Variants in VAC14 observed in about 807,000 individuals in gnomAD.
VAC14 encodes protein VAC14 homolog.
VAC14 carries 47 observed loss-of-function variants against 85.3 expected under a neutral mutation model. The observed-to-expected ratio is 0.55, with a 90% confidence interval of 0.44 to 0.70. VAC14 has a LOEUF of 0.70. Ranked by LOEUF, VAC14 falls within the 30% of genes least tolerant of loss-of-function variation. The pLI, the probability that VAC14 is intolerant of heterozygous loss-of-function variation, is 0.00. For synonymous variants in VAC14, 447 were observed against 430.5 expected, an observed-to-expected ratio of 1.04 and a Z score of -0.47; for missense variants, 861 against 1,004.3, an observed-to-expected ratio of 0.86 and a Z score of 1.93.
intron 1 of VAC14, among the ~76,000 whole-genome samples, chr16:70,798,626 G>T (rs1204500312): frequency 6.6e-6 from 1 of 152,190 alleles, no homozygotes; most frequent in Non-Finnish European, 1.5e-5. Flanking sequence ...GGAAACAGAT[G>T]AGAGGGTCTT....
intron 12 of VAC14, among the ~76,000 whole-genome samples, chr16:70,753,102 C>T (rs190887926): frequency 2.8e-4 from 42 of 151,698 alleles, no homozygotes; most frequent in African/African-American, 7.5e-4. Context: ...GAGATCTGGC[C>T]CAAGTTACTT....
At chr16:70,798,140 T>G (rs2143366478) in intron 1 of VAC14, among the ~76,000 whole-genome samples, 1 of 152,272 alleles carries the variant, frequency 6.6e-6, no homozygotes. Context: ...TTGCTCAGGG[T>G]CACCTAGCCA....
intron 1 of VAC14, among the ~76,000 whole-genome samples, chr16:70,787,619 C>T (rs1184304951): frequency 1.3e-5 from 2 of 152,196 alleles, no homozygotes; most frequent in Non-Finnish European, 2.9e-5. Flanking sequence ...GGCAGGAGTG[C>T]CCCAGATCAC....
intron 14 of VAC14, among the ~76,000 whole-genome samples, chr16:70,707,322 A>G (rs1229544227): frequency 6.6e-6 from 1 of 152,230 alleles, no homozygotes; most frequent in South Asian, 2.1e-4. Flanking sequence ...TGTCTGGTAC[A>G]CTTAAAAGTT....
chr16:70,720,395 C>A (rs78713158), intron 14 of VAC14, among the ~76,000 whole-genome samples: 7 of 152,162 alleles, frequency 4.6e-5, no homozygotes, highest in Non-Finnish European at 7.4e-5. Context: ...GCTGCCACAC[C>A]GCTTTGATCA....
intron 8 of VAC14, 95 bp from the exon 9 acceptor site, chr16:70,781,034 C>A (rs1441830262): frequency 2.7e-5 from 42 of 1,548,192 alleles, no homozygotes; most frequent in Non-Finnish European, 3.7e-5. Context: ...GAGGTGGGGC[C>A]TGGTGGGAGG....
At chr16:70,793,863 C>T (rs76014819) in intron 1 of VAC14, among the ~76,000 whole-genome samples, 2,844 of 152,300 alleles carry the variant, frequency 0.019, 80 homozygotes, top group African/African-American at 0.065. Flanking sequence ...ACATAGCACA[C>T]GAGGTTGTGC....
At position 70,744,541 on chromosome 16, in the gene VAC14, A is replaced by G; in HGVS notation, c.1410T>C (p.Ala470=). ...CATCCGTCTGGCCTGCGGGGGAGGA[A>G]GCGATTTCTGCCAGCACCTCCAGGT... The part of the protein sequence containing the change: ...LKDLEVLAEI[A]SSPAGQTDDP... Residue 470 remains alanine, a synonymous_variant, in exon 13 of 19, where the codon GCT becomes GCC. Coordinates refer to ENST00000261776, the MANE Select transcript of VAC14 (RefSeq NM_018052.5). The G allele has an allele frequency of 6.2e-7, 1 of 1,610,176 alleles. No individual in the cohort carries two copies. The highest frequency in any genetic ancestry group is 1.1e-5 in the South Asian group (1 of 90,564).
chr16:70,742,597 C>T (rs1416355810), intron 13 of VAC14, among the ~76,000 whole-genome samples: 4 of 152,260 alleles, frequency 2.6e-5, no homozygotes, highest in African/African-American at 9.6e-5. Context: ...TAGAACTGGG[C>T]TCCTGGGCAA....
chr16:70,724,328 C>G (rs554590574), intron 14 of VAC14, among the ~76,000 whole-genome samples: 2 of 152,338 alleles, frequency 1.3e-5, no homozygotes, highest in South Asian at 4.1e-4. Context: ...CCACCCCCCA[C>G]TCCATCTCCA....
intron 12 of VAC14, among the ~76,000 whole-genome samples, chr16:70,759,723 C>T (rs1294017865): frequency 6.6e-6 from 1 of 152,148 alleles, no homozygotes. Flanking sequence ...TGGAACAAGA[C>T]CACAAAACCT....
At chr16:70,744,129 C>A (rs759016626) in intron 13 of VAC14, among the ~76,000 whole-genome samples, 4 of 152,304 alleles carry the variant, frequency 2.6e-5, no homozygotes, top group Admixed American at 6.5e-5. Flanking sequence ...GGCAGAGAGA[C>A]CAGCAGCCGA....
chr16:70,720,977 A>G (rs1013870893), intron 14 of VAC14, among the ~76,000 whole-genome samples: 7 of 152,262 alleles, frequency 4.6e-5, no homozygotes, highest in African/African-American at 1.4e-4. Flanking sequence ...CACTTGAATC[A>G]TCTCAGCTTG....
chr16:70,737,225 C>G (rs1274088087), intron 13 of VAC14, among the ~76,000 whole-genome samples: 1 of 152,338 alleles, frequency 6.6e-6, no homozygotes, highest in South Asian at 2.1e-4. Flanking sequence ...GGGTCCTGGG[C>G]TGGGTGCTGC....
chr16:70,761,297 C>T (rs1318072569), intron 12 of VAC14: 2 of 335,972 alleles, frequency 6.0e-6, no homozygotes, highest in East Asian at 2.1e-4. Flanking sequence ...CACCCAGCCT[C>T]ATCCACTCTC....
chr16:70,762,506 T>C lies in VAC14; in HGVS notation c.1371+34A>G. On this transcript the variant is annotated intron_variant, in intron 12 of 18. Coordinates refer to ENST00000261776, the MANE Select transcript of VAC14 (RefSeq NM_018052.5). The surrounding 1 kb of genome is among the most constrained non-coding windows in gnomAD (Gnocchi z 4.1). ...TAACAAGGGGAGGCAGGGCAGCCGATGTTCCATAAGTACGGGTGGCGTTGG... is the reference window on the plus strand; with the variant it reads ...TAACAAGGGGAGGCAGGGCAGCCGACGTTCCATAAGTACGGGTGGCGTTGG... The C allele has an allele frequency of 6.2e-7, 1 of 1,607,818 alleles. No individual in the cohort carries two copies. Among genetic ancestry groups the C allele is most frequent in the Non-Finnish European group, 8.5e-7 (1 of 1,174,528 alleles).
intron 12 of VAC14, among the ~76,000 whole-genome samples, chr16:70,750,850 A>T (rs2031324516): frequency 6.6e-6 from 1 of 151,382 alleles, no homozygotes; most frequent in African/African-American, 2.4e-5. Context: ...CCCAGCTCTC[A>T]CTCTCCCCAG....
chr16:70,752,594 C>G (rs1278694797), intron 12 of VAC14, among the ~76,000 whole-genome samples: 3 of 152,270 alleles, frequency 2.0e-5, no homozygotes, highest in African/African-American at 4.8e-5. Context: ...GCTCTGTCAC[C>G]AGGAGATAAG....
chr16:70,771,686 C>T (rs113740988), intron 10 of VAC14: 120 of 165,656 alleles, frequency 7.2e-4, no homozygotes, highest in African/African-American at 2.8e-3. Flanking sequence ...TCAAGTGATC[C>T]TCCCACCTCA....
Sources: gnomAD v4.1 joint callset for allele counts (sites outside exome capture counted in the v4.1 genomes callset) on GRCh38, gnomAD v4.1.1 for gene constraint, Gnocchi (gnomAD v3.1) non-coding constraint, MANE v1.5 for transcripts, NCBI Gene and HGNC (gene_info 2026-07-23, HGNC 2026-07-21) for gene names.